Variants in DNAH7 observed in about 807,000 individuals in gnomAD.
DNAH7 encodes the protein dynein axonemal heavy chain 7.
Under a neutral mutation model 444.6 loss-of-function variants are expected in DNAH7, and 397 were observed. The observed-to-expected ratio is 0.89, with a 90% confidence interval of 0.82 to 0.97. DNAH7 has a LOEUF of 0.97. Ranked by LOEUF, DNAH7 falls within the 50% of genes least tolerant of loss-of-function variation. DNAH7 has a pLI of 0.00. For synonymous variants in DNAH7, 1,636 were observed against 1,624.4 expected, an observed-to-expected ratio of 1.01 and a Z score of -0.17; for missense variants, 4,902 against 4,800.8, an observed-to-expected ratio of 1.02 and a Z score of -0.62.
At chr2:195,970,209 C>T in intron 16 of DNAH7, 115 bp from the exon 17 acceptor site, 1 of 946,298 alleles carries the variant, frequency 1.1e-6, no homozygotes, top group Non-Finnish European at 1.5e-6. Flanking sequence ...ACTGGTAAAA[C>T]ATAAAAGGAT....
rs965173934 is a variant in DNAH7 at position 195,864,518 on chromosome 2, A to G, written c.7137T>C (p.Asp2379=). 6.2e-7 allele frequency: 1 copy of G among 1,614,194 alleles called. No homozygotes were observed. The highest frequency in any genetic ancestry group is 8.5e-7 in the Non-Finnish European group (1 of 1,180,036). Residue 2379 remains aspartate (D), a synonymous_variant, in exon 41 of 65, where the codon GAT becomes GAC. Transcript: ENST00000312428. ...KGYDTTEWHE[D]LKVILRKCAE... ...CACATTTCCTTAAGATCACTTTTAA[A>G]TCTTCATGCCATTCAGTAGTATCAT...
intron 12 of DNAH7, among the ~76,000 whole-genome samples, chr2:195,989,939 T>A (rs555581715): frequency 3.3e-5 from 5 of 152,202 alleles, no homozygotes; most frequent in Non-Finnish European, 7.3e-5. Context: ...ACCTCTTTTT[T>A]AAATAAATTA....
At chr2:195,799,971 G>C (rs1258988374) in intron 54 of DNAH7, among the ~76,000 whole-genome samples, 1 of 152,186 alleles carries the variant, frequency 6.6e-6, no homozygotes, top group African/African-American at 2.4e-5. Context: ...TAGAATTTCT[G>C]ATAGCATTGT....
chr2:195,842,477 G>T (rs935684806), intron 47 of DNAH7, among the ~76,000 whole-genome samples: 3 of 151,996 alleles, frequency 2.0e-5, no homozygotes, highest in African/African-American at 7.2e-5. Flanking sequence ...GCACTGCACA[G>T]GTAAAGAAGA....
chr2:195,816,930 T>C lies in DNAH7; in HGVS notation c.9459A>G (p.Glu3153=), dbSNP rs1331621189. ...TATTGCCTTCCGAAGATGAAAGAAC[T>C]TCTAAAATCTTGTCTTCTATTTCTT... ...QLKEIEDKIL[E]VLSSSEGNIL... is the part of the protein sequence containing the mutation. The change falls in exon 51 of 65, where the codon GAA becomes GAG. Residue 3153 remains glutamate, a synonymous_variant. Transcript: ENST00000312428. 1.2e-6 allele frequency: 2 copies of C among 1,603,564 alleles called. No homozygotes were observed. Among genetic ancestry groups the C allele is most frequent in the Admixed American group, 3.4e-5 (2 of 58,276 alleles).
At chr2:195,821,947 T>C (rs79196898) in intron 49 of DNAH7, among the ~76,000 whole-genome samples, 1 of 152,176 alleles carries the variant, frequency 6.6e-6, no homozygotes, top group East Asian at 1.9e-4. Context: ...CCTAGGAAGA[T>C]GATTCCCTCC....
At chr2:195,949,611 T>C (rs1559261115) in intron 19 of DNAH7, among the ~76,000 whole-genome samples, 2 of 152,176 alleles carry the variant, frequency 1.3e-5, no homozygotes, top group Non-Finnish European at 2.9e-5. Context: ...TCCTGCCTGA[T>C]TGCCCTGGCC....
At chr2:195,907,875 T>C (rs912847819) in intron 25 of DNAH7, among the ~76,000 whole-genome samples, 13 of 152,122 alleles carry the variant, frequency 8.5e-5, no homozygotes, top group African/African-American at 3.1e-4. Flanking sequence ...GAGAAGACCC[T>C]ATAAATGACT....
At chr2:195,853,029 T>C (rs6712851) in intron 46 of DNAH7, among the ~76,000 whole-genome samples, 20,285 of 152,066 alleles carry the variant, frequency 0.13, 1,953 homozygotes, top group African/African-American at 0.27. Context: ...CCATTACTTT[T>C]TAAAAAAAAT....
rs755443801 is a variant in DNAH7 at position 195,799,459 on chromosome 2, A to C, written c.10190T>G (p.Leu3397Trp). The change falls in exon 55 of 65, where the codon TTG (leucine) becomes TGG (tryptophan). Residue 3397 changes from leucine (L) to tryptophan (W), a missense_variant. Leu to Trp is a moderately conservative substitution (Grantham distance 61). Transcript: ENST00000312428. ...CLRPDKVIPM[L>W]QEFIINRLGR... ...CAATCTGTTGATTATAAATTCCTGCAACATTGGAATAACCTAGAAAGAGAC... is the reference window on the plus strand; with the variant it reads ...CAATCTGTTGATTATAAATTCCTGCCACATTGGAATAACCTAGAAAGAGAC... 2 of 1,599,570 alleles carry C rather than the reference A, an allele frequency of 1.3e-6. No homozygotes were observed. Among genetic ancestry groups the C allele is most frequent in the Admixed American group, 3.5e-5 (2 of 57,636 alleles).
chr2:196,051,077 A>T (rs1697435206), intron 3 of DNAH7, 110 bp downstream of exon 3: 2 of 952,508 alleles, frequency 2.1e-6, no homozygotes, highest in Non-Finnish European at 3.4e-6. Flanking sequence ...TTTCTCCATC[A>T]GAAAAGAATC....
chr2:195,889,954 A>G (rs1393209033), intron 31 of DNAH7, among the ~76,000 whole-genome samples: 1 of 152,252 alleles, frequency 6.6e-6, no homozygotes, highest in African/African-American at 2.4e-5. Flanking sequence ...TAAATGCTCA[A>G]CAGATATGAA....
intron 49 of DNAH7, among the ~76,000 whole-genome samples, chr2:195,820,295 G>C (rs975669822): frequency 1.3e-5 from 2 of 151,730 alleles, no homozygotes; most frequent in African/African-American, 4.8e-5. Context: ...GGGCCTGTTG[G>C]GGGGTATGAG....
At chr2:196,018,517 T>C (rs1188839469) in intron 9 of DNAH7, among the ~76,000 whole-genome samples, 3 of 152,084 alleles carry the variant, frequency 2.0e-5, no homozygotes, top group Non-Finnish European at 4.4e-5. Flanking sequence ...TGAAATAAAA[T>C]AAATGTCCTT....
At chr2:196,044,573 T>C (rs1382734429) in intron 5 of DNAH7, among the ~76,000 whole-genome samples, 1 of 152,066 alleles carries the variant, frequency 6.6e-6, no homozygotes, top group Non-Finnish European at 1.5e-5. Flanking sequence ...ACACCACCTG[T>C]TTCCCCAAAA....
intron 7 of DNAH7, among the ~76,000 whole-genome samples, chr2:196,025,401 G>A (rs1284209977): frequency 6.6e-6 from 1 of 152,058 alleles, no homozygotes; most frequent in Non-Finnish European, 1.5e-5. Context: ...ATCTTTCAGA[G>A]ACTCTCCTTT....
intron 63 of DNAH7, among the ~76,000 whole-genome samples, chr2:195,746,621 A>C (rs910698246): frequency 6.6e-6 from 1 of 152,250 alleles, no homozygotes; most frequent in Non-Finnish European, 1.5e-5. Context: ...GCAAATGTAA[A>C]AGAATAGAAA....
At chr2:196,047,572 A>G in intron 4 of DNAH7, 73 bp from the exon 5 acceptor site, 2 of 1,245,314 alleles carry the variant, frequency 1.6e-6, no homozygotes, top group Non-Finnish European at 2.1e-6. Flanking sequence ...CATGCTTAAA[A>G]TAAGATGCTA....
intron 8 of DNAH7, among the ~76,000 whole-genome samples, chr2:196,022,857 T>A (rs564263030): frequency 1.1e-4 from 17 of 152,330 alleles, no homozygotes; most frequent in African/African-American, 3.8e-4. Context: ...ATCACTATAG[T>A]AGATATAGCC....
Sources: allele counts gnomAD v4.1 joint callset (sites outside exome capture counted in the v4.1 genomes callset), GRCh38; gene constraint gnomAD v4.1.1; transcripts MANE v1.5; gene names NCBI Gene and HGNC (gene_info 2026-07-23, HGNC 2026-07-21).